PDE8B: variants seen among roughly 807,000 people sequenced by gnomAD.
The protein encoded by PDE8B is high affinity cAMP-specific and IBMX-insensitive 3',5'-cyclic phosphodiesterase 8B.
A neutral mutation model predicts 101.3 loss-of-function variants in PDE8B; 26 were observed. The observed-to-expected ratio is 0.26, with a 90% CI of 0.19 to 0.36. The LOEUF is 0.36. PDE8B is among the 10% of genes least tolerant of loss of function. PDE8B has a pLI of 1.00. For missense variants in PDE8B, 810 were observed against 1,163.1 expected, an observed-to-expected ratio of 0.70 and a Z score of 4.42; for synonymous variants, 424 against 429.3, an observed-to-expected ratio of 0.99 and a Z score of 0.15.
chr5:77,405,403 G>T (rs953252301), intron 12 of PDE8B, among the ~76,000 whole-genome samples: 1 of 152,152 alleles, frequency 6.6e-6, no homozygotes, highest in African/African-American at 2.4e-5. Flanking sequence ...AAATGGAAAC[G>T]TCTCCAGGTT....
At chr5:77,191,817 A>G in the PDE8B span, among the ~76,000 whole-genome samples, 1 of 152,222 alleles carries the variant, frequency 6.6e-6, no homozygotes, top group African/African-American at 2.4e-5. Context: ...ACATTGTAAT[A>G]TATAATGAAA....
chr5:77,344,384 G>A (rs1236764546), intron 6 of PDE8B, among the ~76,000 whole-genome samples: 4 of 152,190 alleles, frequency 2.6e-5, no homozygotes, highest in Non-Finnish European at 5.9e-5. Flanking sequence ...GTCCATTGTT[G>A]AAATATCGTT....
At chr5:77,181,278 GGAAAGTGC>G in the PDE8B span, among the ~76,000 whole-genome samples, 2 of 152,172 alleles carry the variant, frequency 1.3e-5, no homozygotes, top group African/African-American at 4.8e-5. Flanking sequence ...CGGGGTCGCA[GGAAAGTGC>G]CCGGGAGAAC....
intron 1 of PDE8B, among the ~76,000 whole-genome samples, chr5:77,216,394 G>A (rs554097595): frequency 6.6e-6 from 1 of 152,174 alleles, no homozygotes; most frequent in Non-Finnish European, 1.5e-5. Context: ...CGAAAGGCAT[G>A]TCTTACATGG....
Position 77,227,488 on chromosome 5 carries a change from C to CAG in PDE8B, c.339+16226_339+16227dup, listed in dbSNP as rs1369597316. 8.5e-5 allele frequency among the ~76,000 whole-genome samples: 13 copies of CAG among 152,052 alleles called. 1 individual carries two copies. The East Asian group carries it at 2.3e-3, about 27-fold the overall frequency. On this transcript the variant is annotated intron_variant, in intron 1 of 21. Coordinates refer to ENST00000264917, the MANE Select transcript of PDE8B (RefSeq NM_003719.5). The stretch of plus-strand genomic sequence containing the variant: ...GGTGGGGCAGGAGAAGAAAGACTGG[C>CAG]AGAAGCAAAGGCACCCATGAGAGAG...
intron 1 of PDE8B, among the ~76,000 whole-genome samples, chr5:77,295,298 C>T (rs1768276882): frequency 6.6e-6 from 1 of 152,160 alleles, no homozygotes; most frequent in African/African-American, 2.4e-5. Flanking sequence ...TTCCCATTAA[C>T]CCTTCTTGAG....
intron 10 of PDE8B, among the ~76,000 whole-genome samples, chr5:77,364,552 T>C (rs1351805306): frequency 6.6e-6 from 1 of 152,222 alleles, no homozygotes; most frequent in Non-Finnish European, 1.5e-5. Flanking sequence ...CTAGGTTTCC[T>C]GGGTGAGATT....
chr5:77,183,580 C>T, the PDE8B span, among the ~76,000 whole-genome samples: 8 of 152,296 alleles, frequency 5.3e-5, no homozygotes, highest in African/African-American at 1.2e-4. Flanking sequence ...GTGCCTACTA[C>T]GTGTCAGATG....
the PDE8B span, among the ~76,000 whole-genome samples, chr5:77,095,055 G>A: frequency 6.6e-6 from 1 of 152,320 alleles, no homozygotes; most frequent in Non-Finnish European, 1.5e-5. Flanking sequence ...TAAGGTAGAT[G>A]CCTAAAGATT....
At chr5:77,314,407 A>T (rs1312237956) in intron 2 of PDE8B, among the ~76,000 whole-genome samples, 1 of 151,934 alleles carries the variant, frequency 6.6e-6, no homozygotes, top group Admixed American at 6.6e-5. Context: ...CCATTTTGTC[A>T]ATTTCTGTGG....
chr5:77,367,395 GT>G (rs979913245), intron 10 of PDE8B, among the ~76,000 whole-genome samples: 89 of 152,230 alleles, frequency 5.8e-4, no homozygotes, highest in Non-Finnish European at 9.7e-4. Flanking sequence ...CAGTGCAGAA[GT>G]TATCCCTTCC....
At chr5:77,396,093 CTGCTCCAAATT>C (rs1420064575) in intron 10 of PDE8B, among the ~76,000 whole-genome samples, 253 of 152,376 alleles carry the variant, frequency 1.7e-3, no homozygotes, top group African/African-American at 5.6e-3. Context: ...ACCAAAGACA[CTGCTCCAAATT>C]AGCTACTTTC....
chr5:77,314,740 G>A (rs530965008), intron 2 of PDE8B, among the ~76,000 whole-genome samples: 1 of 152,062 alleles, frequency 6.6e-6, no homozygotes, highest in African/African-American at 2.4e-5. Context: ...CAGAACAATG[G>A]TGTGTTTAGC....
the PDE8B span, chr5:77,098,678 T>C: frequency 6.6e-6 from 1 of 152,184 alleles, no homozygotes; most frequent in Non-Finnish European, 1.5e-5. Flanking sequence ...GGGTAATTAA[T>C]AAAAAGAAGA....
At position 77,253,968 on chromosome 5, in the gene PDE8B, T is replaced by A. The variant is rs546026931; in HGVS notation, c.339+42704T>A. Reference sequence around the variant, plus strand: ...TTTATTGAGTATTTATAGTTATTACTGATATGAAGTATGCTTTCACATTCT... The same window carrying A: ...TTTATTGAGTATTTATAGTTATTACAGATATGAAGTATGCTTTCACATTCT... On this transcript the variant is annotated intron_variant, in intron 1 of 21. Coordinates refer to ENST00000264917, the MANE Select transcript of PDE8B (RefSeq NM_003719.5). Among the ~76,000 whole-genome samples the A allele has an allele frequency of 8.5e-5, 13 of 152,098 alleles. No individual in the cohort carries two copies. The East Asian group carries it at 2.5e-3, about 29-fold the overall frequency.
rs1313082279 is a variant in PDE8B, at chr5:77,419,900, T to C, written c.2250+13T>C. 1.2e-6 allele frequency: 2 copies of C among 1,613,570 alleles called. No homozygotes were observed. The highest frequency in any genetic ancestry group is 2.7e-5 in the African/African-American group (2 of 74,914). On this transcript the variant is annotated intron_variant, in intron 19 of 21. Transcript: ENST00000264917. ...AATGGCAGCTGAGGTGAGTACTGCT[T>C]TCCATGCCATAAGGCACATCCAAGT...
the PDE8B span, chr5:77,151,186 A>T: frequency 6.6e-6 from 1 of 152,242 alleles, no homozygotes; most frequent in Non-Finnish European, 1.5e-5. Flanking sequence ...GATGCTCCTG[A>T]TTCATTCATT....
At chr5:77,384,642 G>A (rs1448437148) in intron 10 of PDE8B, among the ~76,000 whole-genome samples, 1 of 152,120 alleles carries the variant, frequency 6.6e-6, no homozygotes, top group Non-Finnish European at 1.5e-5. Flanking sequence ...TTTGAGATAC[G>A]TTCAATCAAT....
the PDE8B span, among the ~76,000 whole-genome samples, chr5:77,204,783 A>G: frequency 6.6e-6 from 1 of 152,076 alleles, no homozygotes; most frequent in Non-Finnish European, 1.5e-5. Context: ...GACCATAACT[A>G]CTATAAAAGA....
Sources: allele counts gnomAD v4.1 joint callset (sites outside exome capture counted in the v4.1 genomes callset), GRCh38; gene constraint gnomAD v4.1.1; transcripts MANE v1.5; gene names NCBI Gene and HGNC (gene_info 2026-07-23, HGNC 2026-07-21).